VAV3: variants seen among roughly 807,000 people sequenced by gnomAD.
VAV3 encodes guanine nucleotide exchange factor VAV3.
A neutral mutation model predicts 131.2 loss-of-function variants in VAV3; 94 were observed. The ratio of observed to expected loss-of-function variants is 0.72; its 90% CI spans 0.61 to 0.85. The LOEUF is 0.85. Among genes scored for constraint, VAV3 ranks in the 40% least tolerant of loss-of-function variants. The pLI is 0.00. For missense variants in VAV3, 939 were observed against 1,002.7 expected (o/e 0.94, Z 0.86); for synonymous variants, 349 against 342.0 (o/e 1.02, Z -0.22).
rs563659385 is a variant in VAV3, at chr1:107,848,830, G to A, written c.321+26071C>T. Among the ~76,000 whole-genome samples the A allele has an allele frequency of 9.2e-5, 14 of 152,226 alleles. No homozygotes were observed. The South Asian group carries it at 1.5e-3, about 16-fold the overall frequency. ...GATCGTATATTTAGAAAATTCCATC[G>A]TCTCAGTCCAAAATCTCCTTAAGGT... On this transcript the variant is annotated intron_variant, in intron 2 of 26. Coordinates refer to ENST00000370056, the MANE Select transcript of VAV3 (RefSeq NM_006113.5).
chr1:107,883,924 C>A (rs1670905040), intron 1 of VAV3, among the ~76,000 whole-genome samples: 1 of 152,208 alleles, frequency 6.6e-6, no homozygotes, highest in Non-Finnish European at 1.5e-5. Flanking sequence ...AGCATCTTTA[C>A]TCCTCCTTTT....
chr1:107,892,735 T>G (rs1671370356), intron 1 of VAV3, among the ~76,000 whole-genome samples: 1 of 152,214 alleles, frequency 6.6e-6, no homozygotes, highest in South Asian at 2.1e-4. Flanking sequence ...TCAGTGAATA[T>G]TTTCCCCTGA....
At chr1:107,685,467 T>C (rs1658951903) in intron 18 of VAV3, among the ~76,000 whole-genome samples, 1 of 152,196 alleles carries the variant, frequency 6.6e-6, no homozygotes. Flanking sequence ...TTTGTTATTT[T>C]AAATGTTTAA....
intron 15 of VAV3, among the ~76,000 whole-genome samples, chr1:107,725,517 C>CATT (rs898568931): frequency 6.6e-6 from 1 of 152,048 alleles, no homozygotes; most frequent in Non-Finnish European, 1.5e-5. Context: ...GCAAATTCAT[C>CATT]ATTATTATTA....
chr1:107,573,627 C>G (rs1223149903), intron 26 of VAV3, among the ~76,000 whole-genome samples: 1 of 152,160 alleles, frequency 6.6e-6, no homozygotes, highest in African/African-American at 2.4e-5. Flanking sequence ...TACAGGGGGG[C>G]TCTGCTGCAT....
intron 2 of VAV3, among the ~76,000 whole-genome samples, chr1:107,784,823 C>T (rs760505531): frequency 1.6e-4 from 25 of 152,096 alleles, no homozygotes; most frequent in Admixed American, 8.5e-4. Context: ...TAATAGGTGT[C>T]CAGATATGTA....
intron 21 of VAV3, among the ~76,000 whole-genome samples, chr1:107,617,026 T>G (rs1038716766): frequency 1.3e-5 from 2 of 152,196 alleles, no homozygotes; most frequent in South Asian, 4.1e-4. Context: ...TAATATTAAT[T>G]GAGGAAATGT....
At chr1:107,881,494 C>G (rs1670778418) in intron 1 of VAV3, among the ~76,000 whole-genome samples, 1 of 152,248 alleles carries the variant, frequency 6.6e-6, no homozygotes. Context: ...TATAAAAACT[C>G]CCAGTAATTA....
At chr1:107,753,493 T>TAC (rs1553201223) in intron 12 of VAV3, among the ~76,000 whole-genome samples, 1 of 111,610 alleles carries the variant, frequency 9.0e-6, no homozygotes, top group African/African-American at 3.4e-5. Flanking sequence ...TGTATATATA[T>TAC]ACACACATAT....
At chr1:107,659,523 G>C (rs1408233695) in intron 19 of VAV3, among the ~76,000 whole-genome samples, 1 of 152,110 alleles carries the variant, frequency 6.6e-6, no homozygotes, top group Non-Finnish European at 1.5e-5. Flanking sequence ...CAGAAGCACT[G>C]ACAAAGTGAT....
chr1:107,843,838 G>A (rs1367558774), intron 2 of VAV3, among the ~76,000 whole-genome samples: 1 of 152,018 alleles, frequency 6.6e-6, no homozygotes, highest in Non-Finnish European at 1.5e-5. Context: ...TACAGAGCGG[G>A]GAGCTTTCCA....
chr1:107,799,502 T>C (rs576535251), intron 2 of VAV3, among the ~76,000 whole-genome samples: 1 of 152,230 alleles, frequency 6.6e-6, no homozygotes, highest in Admixed American at 6.5e-5. Flanking sequence ...AAATATAGAA[T>C]AATATGTAAA....
At chr1:107,957,055 G>A (rs542020361) in intron 1 of VAV3, among the ~76,000 whole-genome samples, 102 of 152,170 alleles carry the variant, frequency 6.7e-4, no homozygotes, top group African/African-American at 2.3e-3. Context: ...TAAGAGAGTG[G>A]GATGCATGAA....
At chr1:107,634,888 A>G (rs1654794791) in intron 20 of VAV3, among the ~76,000 whole-genome samples, 1 of 152,120 alleles carries the variant, frequency 6.6e-6, no homozygotes, top group Non-Finnish European at 1.5e-5. Flanking sequence ...ATCACTTGCC[A>G]TCAGAGAAAT....
chr1:107,636,207 A>G (rs958703960), intron 20 of VAV3, among the ~76,000 whole-genome samples: 1 of 152,236 alleles, frequency 6.6e-6, no homozygotes, highest in African/African-American at 2.4e-5. Context: ...TATGGCCACA[A>G]TAAACCATAA....
chr1:107,867,169 T>C (rs1323275164), intron 2 of VAV3, among the ~76,000 whole-genome samples: 2 of 152,208 alleles, frequency 1.3e-5, no homozygotes, highest in Non-Finnish European at 1.5e-5. Context: ...GTCTTCCTAT[T>C]AACATTTCTT....
chr1:107,872,221 T>C (rs1210548079), intron 2 of VAV3, among the ~76,000 whole-genome samples: 1 of 152,158 alleles, frequency 6.6e-6, no homozygotes, highest in Non-Finnish European at 1.5e-5. Flanking sequence ...CTTAGCTTCC[T>C]CATCTGAAGA....
chr1:107,649,568 T>G (rs539656362), intron 19 of VAV3, among the ~76,000 whole-genome samples: 54 of 152,196 alleles, frequency 3.5e-4, no homozygotes, highest in East Asian at 1.2e-3. Flanking sequence ...TGGCTTTTTT[T>G]TTGTTGTTGT....
At chr1:107,878,963 A>T (rs529046716) in intron 1 of VAV3, among the ~76,000 whole-genome samples, 1 of 152,142 alleles carries the variant, frequency 6.6e-6, no homozygotes, top group Non-Finnish European at 1.5e-5. Flanking sequence ...TCTTTTGTCA[A>T]AAAACAGAAA....
Sources: allele counts gnomAD v4.1 joint callset (sites outside exome capture counted in the v4.1 genomes callset), GRCh38; gene constraint gnomAD v4.1.1; transcripts MANE v1.5; gene names NCBI Gene and HGNC (gene_info 2026-07-23, HGNC 2026-07-21).